The following PNOC variants were observed in gnomAD, a reference collection of about 807,000 sequenced individuals.
The protein encoded by PNOC is prepronociceptin.
Under a neutral mutation model 15.6 loss-of-function variants are expected in PNOC, and 10 were observed. The ratio of observed to expected loss-of-function variants is 0.64; its 90% CI spans 0.40 to 1.09. The LOEUF is 1.09. Ranked by LOEUF, PNOC falls within the 50% of genes least tolerant of loss-of-function variation. PNOC has a pLI of 0.01. For synonymous variants in PNOC, 98 were observed against 88.5 expected (o/e 1.11, Z -0.60); for missense variants, 220 against 223.9 (o/e 0.98, Z 0.11).
chr8:28,342,902 C>T (rs554257428), intron 3 of PNOC, 40 bp from the exon 4 acceptor site: 41 of 850,588 alleles, frequency 4.8e-5, no homozygotes, highest in Non-Finnish European at 5.7e-5. Flanking sequence ...TCAGAAAAAC[C>T]ATCAGGTTTG....
rs34876964 is a variant in PNOC, at chr8:28,320,092, CTTTTTTTTTTTTTTTT to C, written c.-24+2790_-24+2805del. On this transcript the variant is annotated intron_variant, in intron 1 of 3. Transcript: ENST00000301908. ...TGTTTGTTTCTTTCTTTCTTTCTTT[CTTTTTTTTTTTTTTTT>C]TTTTTTTTTTTTTCAAAATACTGGC... Among the ~76,000 whole-genome samples the C allele has an allele frequency of 2.0e-4, 6 of 29,730 alleles. No individual in the cohort carries two copies. In the Admixed American group the frequency reaches 2.0e-3, roughly 10 times the overall value. 19.5% of individuals were successfully genotyped at this position (29,730 alleles called of 152,430 possible).
intron 1 of PNOC, among the ~76,000 whole-genome samples, chr8:28,328,749 T>C (rs1801267865): frequency 6.6e-6 from 1 of 152,154 alleles, no homozygotes; most frequent in Non-Finnish European, 1.5e-5. Flanking sequence ...GTTGATTTAA[T>C]GTCACATGCT....
At chr8:28,342,883 A>T (rs990814566) in intron 3 of PNOC, 59 bp from the exon 4 acceptor site, 9 of 666,652 alleles carry the variant, frequency 1.4e-5, no homozygotes, top group Non-Finnish European at 1.7e-5. Flanking sequence ...TAGGGGGAAT[A>T]GAAAAGGGTC....
chr8:28,339,133 C>T lies in PNOC; in HGVS notation c.220C>T (p.Pro74Ser), dbSNP rs1254092316. Residue 74 changes from proline to serine, a missense_variant, in exon 3 of 4, where the codon CCT (proline) becomes TCT (serine). Pro to Ser is a moderately conservative substitution (Grantham distance 74). Transcript: ENST00000301908. Reference protein sequence around the residue: ...VMARSSWQLSPAAPEHVAAAL... With the variant: ...VMARSSWQLSSAAPEHVAAAL... ...GGCCAGGAGCTCTTGGCAGCTCAGC[C>T]CTGCCGCCCCAGAGCATGTGGCGGC... is the stretch of plus-strand genomic sequence containing the variant. 6.2e-7 allele frequency: 1 copy of T among 1,612,932 alleles called. No individual in the cohort carries two copies.
intron 2 of PNOC, among the ~76,000 whole-genome samples, chr8:28,330,386 ATTTTATTTTATTTT>A (rs1801302755): frequency 1.7e-5 from 1 of 59,790 alleles, no homozygotes; most frequent in African/African-American, 4.4e-5. Context: ...ATTTTATTTT[ATTTTATTTTATTTT>A]TTTTTTTTTT....
chr8:28,326,035 T>C (rs774742798), intron 1 of PNOC, among the ~76,000 whole-genome samples: 16 of 152,162 alleles, frequency 1.1e-4, no homozygotes, highest in Admixed American at 7.2e-4. Context: ...GTGTTCATTA[T>C]TTGTTTCAAA....
At chr8:28,334,059 C>CAT (rs924011407) in intron 2 of PNOC, among the ~76,000 whole-genome samples, 64 of 69,106 alleles carry the variant, frequency 9.3e-4, no homozygotes, top group Admixed American at 1.6e-3. Flanking sequence ...AACACACACA[C>CAT]ACACACACAC....
chr8:28,318,710 A>G (rs1275825782), intron 1 of PNOC, among the ~76,000 whole-genome samples: 1 of 151,964 alleles, frequency 6.6e-6, no homozygotes, highest in East Asian at 1.9e-4. Flanking sequence ...CCCATCCCCA[A>G]CCATCACCAC....
At position 28,322,833 on chromosome 8, in the gene PNOC, C is replaced by T. The variant is rs149817601; in HGVS notation, c.-24+5517C>T. Among the ~76,000 whole-genome samples, 512 of 152,258 alleles carry T rather than the reference C, an allele frequency of 3.4e-3. 2 individuals carry two copies. The highest frequency in any genetic ancestry group is 0.011 in the African/African-American group (455 of 41,540). ...AGTCCTGGCTCTGCTACTTATAAAC[C>T]GGATGATCCTAGTCAACTTGCTTAA... On this transcript the variant is annotated intron_variant, in intron 1 of 3. Coordinates refer to ENST00000301908, the MANE Select transcript of PNOC (RefSeq NM_006228.5).
chr8:28,321,268 A>T (rs918276715), intron 1 of PNOC, among the ~76,000 whole-genome samples: 32 of 138,946 alleles, frequency 2.3e-4, no homozygotes, highest in African/African-American at 8.2e-4. Context: ...AGCTGGTCTC[A>T]AACTCCTGGG....
intron 2 of PNOC, among the ~76,000 whole-genome samples, chr8:28,331,773 T>C (rs1410165750): frequency 6.6e-6 from 1 of 152,132 alleles, no homozygotes; most frequent in Non-Finnish European, 1.5e-5. Context: ...GGGCCCTCCT[T>C]CCTCATGTTC....
chr8:28,339,314 C>T lies in PNOC; in HGVS notation c.401C>T (p.Thr134Ile), dbSNP rs200847567. 2.0e-5 allele frequency: 32 copies of T among 1,612,038 alleles called. No homozygotes were observed. In the Admixed American group the frequency reaches 3.5e-4, roughly 18 times the overall value. ...KQLQKRFGGF[T>I]GARKSARKLA... ...CTGCAGAAGAGATTTGGGGGCTTCA[C>T]CGGGGCCCGGAAGTCGGCCAGGAAG... The change falls in exon 3 of 4, where the codon ACC (threonine) becomes ATC (isoleucine). Residue 134 changes from threonine to isoleucine, a missense_variant. Coordinates refer to ENST00000301908, the MANE Select transcript of PNOC (RefSeq NM_006228.5).
At chr8:28,339,847 T>C (rs1407217503) in intron 3 of PNOC, 4 of 161,822 alleles carry the variant, frequency 2.5e-5, no homozygotes, top group African/African-American at 9.6e-5. Context: ...TTCCTCGAGA[T>C]TGTCTCTCTA....
At chr8:28,337,087 A>G (rs2722936) in intron 2 of PNOC, among the ~76,000 whole-genome samples, 49,777 of 152,058 alleles carry the variant, frequency 0.33, 10,029 homozygotes, top group Non-Finnish European at 0.46. Flanking sequence ...CCAGGGCTGC[A>G]GTGGCAGCTC....
At chr8:28,333,522 G>A (rs972379777) in intron 2 of PNOC, among the ~76,000 whole-genome samples, 2 of 152,172 alleles carry the variant, frequency 1.3e-5, no homozygotes, top group Non-Finnish European at 2.9e-5. Context: ...CTACAAATGC[G>A]TTGTGAATTT....
chr8:28,341,931 T>C (rs986476310), intron 3 of PNOC, among the ~76,000 whole-genome samples: 2 of 152,170 alleles, frequency 1.3e-5, no homozygotes, highest in African/African-American at 4.8e-5. Context: ...GATGGAGATG[T>C]CTCCATCTTG....
At chr8:28,332,950 C>T (rs1801352441) in intron 2 of PNOC, among the ~76,000 whole-genome samples, 1 of 152,214 alleles carries the variant, frequency 6.6e-6, no homozygotes, top group Non-Finnish European at 1.5e-5. Flanking sequence ...GACTCTGTCT[C>T]AATCAATCAA....
chr8:28,335,244 T>C (rs1801392917), intron 2 of PNOC, among the ~76,000 whole-genome samples: 1 of 152,206 alleles, frequency 6.6e-6, no homozygotes, highest in Non-Finnish European at 1.5e-5. Flanking sequence ...TTGCCACCAA[T>C]TCATATTGCA....
intron 1 of PNOC, 115 bp from the exon 2 acceptor site, chr8:28,329,020 T>C: frequency 1.9e-6 from 2 of 1,062,748 alleles, no homozygotes; most frequent in Admixed American, 2.0e-5. Flanking sequence ...CCTAGTGCCA[T>C]CCTGCCAGAG....
Sources: allele counts gnomAD v4.1 joint callset (sites outside exome capture counted in the v4.1 genomes callset), GRCh38; gene constraint gnomAD v4.1.1; transcripts MANE v1.5; gene names NCBI Gene and HGNC (gene_info 2026-07-23, HGNC 2026-07-21).